Variants in KCNJ12 observed in about 807,000 individuals in gnomAD.
KCNJ12 encodes the protein potassium inwardly rectifying channel subfamily J member 12.
In KCNJ12, 2 loss-of-function variants were observed where a neutral mutation model predicts 22.3. The observed-to-expected ratio is 0.09, with a 90% CI of 0.04 to 0.28. The LOEUF is 0.28. KCNJ12 is among the 10% of genes least tolerant of loss of function. KCNJ12 has a pLI of 1.00. For synonymous variants in KCNJ12, 117 were observed against 261.4 expected (o/e 0.45, Z 5.33); for missense variants, 155 against 633.3 (o/e 0.24, Z 8.11).
At chr17:21,396,756 A>T (rs372300474) in intron 1 of KCNJ12, among the ~76,000 whole-genome samples, 2 of 152,212 alleles carry the variant, frequency 1.3e-5, no homozygotes, top group South Asian at 2.1e-4. Context: ...GAGCCGGCCA[A>T]GCTGGGCCTC....
At position 21,406,991 on chromosome 17, in the gene KCNJ12, G is replaced by T. The variant is rs1905982774; in HGVS notation, c.-178-1528G>T. Among the ~76,000 whole-genome samples, 4 of 152,396 alleles carry T rather than the reference G, an allele frequency of 2.6e-5. No homozygotes were observed. The South Asian group carries it at 8.3e-4, about 32-fold the overall frequency. ...GACAGGTGGGGAAATTGCATCTTTG[G>T]GATTGCAGGGACCATGTAGGATGTA... On this transcript the variant is annotated intron_variant, in intron 1 of 2. Transcript: ENST00000583088.
chr17:21,401,802 C>T (rs1555560574), intron 1 of KCNJ12, among the ~76,000 whole-genome samples: 3 of 152,206 alleles, frequency 2.0e-5, no homozygotes, highest in Admixed American at 6.5e-5. Context: ...GGCCCCTCAA[C>T]GCAGTCAGAC....
chr17:21,379,347 G>T (rs984609016), intron 1 of KCNJ12, among the ~76,000 whole-genome samples: 2 of 152,202 alleles, frequency 1.3e-5, no homozygotes, highest in African/African-American at 4.8e-5. Context: ...CCCTCGCCAG[G>T]TCCCCAGGCA....
intron 1 of KCNJ12, among the ~76,000 whole-genome samples, chr17:21,378,649 G>A (rs1904757464): frequency 6.6e-6 from 1 of 152,154 alleles, no homozygotes; most frequent in African/African-American, 2.4e-5. Flanking sequence ...CATACAGTAG[G>A]CAGTCTGTAA....
intron 2 of KCNJ12, among the ~76,000 whole-genome samples, chr17:21,408,933 G>A (rs1714901): frequency 6.6e-5 from 10 of 152,280 alleles, no homozygotes; most frequent in East Asian, 3.9e-4. Context: ...CACCCCTATC[G>A]TCCACCCACC....
intron 1 of KCNJ12, among the ~76,000 whole-genome samples, chr17:21,396,301 G>A (rs1402753833): frequency 6.6e-6 from 1 of 152,206 alleles, no homozygotes; most frequent in Non-Finnish European, 1.5e-5. Context: ...AAGGGCAGCC[G>A]GGAATCTGAG....
intron 2 of KCNJ12, among the ~76,000 whole-genome samples, chr17:21,409,418 G>T (rs868915102): frequency 0.039 from 5,838 of 150,726 alleles, no homozygotes; most frequent in African/African-American, 0.14. Context: ...GGAGACAAAG[G>T]TTCCAGCGCA....
rs1904666369 is a variant in KCNJ12 at position 21,376,726 on chromosome 17, G to A, written c.-366G>A. 6.6e-6 allele frequency: 1 copy of A among 151,538 alleles called. No homozygotes were observed. Among genetic ancestry groups the A allele is most frequent in the Admixed American group, 6.6e-5 (1 of 15,204 alleles). 9.4% of individuals were successfully genotyped at this position (151,538 alleles called of 1,614,324 possible). A position where few individuals can be genotyped will look rare whatever the true frequency, so the allele number is the denominator to read the frequency against. Reference sequence around the variant, plus strand: ...CCGTCCAGGCGCGCGCCCCCGACCCGTGGCTGGACCAGGGCGATCCGCTTT... The same window carrying A: ...CCGTCCAGGCGCGCGCCCCCGACCCATGGCTGGACCAGGGCGATCCGCTTT... On this transcript the variant is annotated 5_prime_UTR_variant, in exon 1 of 3. The change creates a new upstream start codon in the 5' untranslated region. Coordinates refer to ENST00000583088, the MANE Select transcript of KCNJ12 (RefSeq NM_021012.5). This position sits in a 1 kb window ranked among gnomAD's most constrained non-coding sequence, Gnocchi z 5.3.
In KCNJ12 at chr17:21,380,422, A is replaced by G. The variant is rs1428439179; in HGVS notation, c.-179+3509A>G. Among the ~76,000 whole-genome samples the G allele has an allele frequency of 2.0e-5, 3 of 152,162 alleles. No homozygotes were observed. The East Asian group carries it at 5.8e-4, about 29-fold the overall frequency. On this transcript the variant is annotated intron_variant, in intron 1 of 2. Coordinates refer to ENST00000583088, the MANE Select transcript of KCNJ12 (RefSeq NM_021012.5). Reference sequence around the variant, plus strand: ...ACGGGGAGACCCAGCCCCTGCCCTCAGGGATCTCACTATCTCAGAGGAGAC... The same window carrying G: ...ACGGGGAGACCCAGCCCCTGCCCTCGGGGATCTCACTATCTCAGAGGAGAC...
intron 1 of KCNJ12, among the ~76,000 whole-genome samples, chr17:21,400,758 A>G (rs1207833501): frequency 1.3e-5 from 2 of 152,426 alleles, no homozygotes; most frequent in South Asian, 2.1e-4. Flanking sequence ...TTTTGAGTGC[A>G]AGAGAGAACC....
At chr17:21,402,068 C>T (rs1164675187) in intron 1 of KCNJ12, among the ~76,000 whole-genome samples, 1 of 152,272 alleles carries the variant, frequency 6.6e-6, no homozygotes, top group African/African-American at 2.4e-5. Context: ...GGCCAAGTCC[C>T]CTCCCTTTCT....
In KCNJ12 at chr17:21,382,294, G is replaced by A. The variant is rs1597552274; in HGVS notation, c.-179+5381G>A. 2.0e-5 allele frequency among the ~76,000 whole-genome samples: 3 copies of A among 152,314 alleles called. No individual in the cohort carries two copies. In the South Asian group the frequency reaches 6.2e-4, roughly 32 times the overall value. On this transcript the variant is annotated intron_variant, in intron 1 of 2. Transcript: ENST00000583088. Reference sequence around the variant, plus strand: ...CCATTGCAGATCCCAGCAAACTGAGGCCTGGGGCGTGGGGCCTCTCATATC... The same window carrying A: ...CCATTGCAGATCCCAGCAAACTGAGACCTGGGGCGTGGGGCCTCTCATATC...
intron 1 of KCNJ12, among the ~76,000 whole-genome samples, chr17:21,408,069 G>T (rs1906086357): frequency 6.6e-6 from 1 of 152,066 alleles, no homozygotes; most frequent in Non-Finnish European, 1.5e-5. Context: ...CTGGCTCCAA[G>T]GTTGGCGTTG....
At chr17:21,384,653 T>C (rs1436331741) in intron 1 of KCNJ12, among the ~76,000 whole-genome samples, 1 of 151,996 alleles carries the variant, frequency 6.6e-6, no homozygotes, top group African/African-American at 2.4e-5. Context: ...GCCTCTCTTC[T>C]TCCCTTAGCC....
At chr17:21,387,965 A>C (rs1409295664) in intron 1 of KCNJ12, among the ~76,000 whole-genome samples, 2 of 152,030 alleles carry the variant, frequency 1.3e-5, no homozygotes, top group Non-Finnish European at 2.9e-5. Flanking sequence ...GTCTGTGTGC[A>C]CTGGGTCCCT....
At chr17:21,382,063 T>C (rs1555557994) in intron 1 of KCNJ12, among the ~76,000 whole-genome samples, 1 of 152,218 alleles carries the variant, frequency 6.6e-6, no homozygotes, top group Non-Finnish European at 1.5e-5. Context: ...ATTCTGACCT[T>C]TTCTCTGAGC....
chr17:21,398,464 C>A (rs1905459057), intron 1 of KCNJ12, among the ~76,000 whole-genome samples: 1 of 152,230 alleles, frequency 6.6e-6, no homozygotes, highest in Non-Finnish European at 1.5e-5. Flanking sequence ...CTCTACGGCC[C>A]CCACTGCCCA....
At position 21,403,377 on chromosome 17, in the gene KCNJ12, C is replaced by T. The variant is rs1238525556; in HGVS notation, c.-178-5142C>T. On this transcript the variant is annotated intron_variant, in intron 1 of 2. Coordinates refer to ENST00000583088, the MANE Select transcript of KCNJ12 (RefSeq NM_021012.5). ...TTATTTTACTTACGATTGGTTTTGA[C>T]AACATCATACATATTTTTATGTTGG... 5.2e-5 allele frequency among the ~76,000 whole-genome samples: 8 copies of T among 152,414 alleles called. No homozygotes were observed. In the South Asian group the frequency reaches 1.4e-3, roughly 28 times the overall value.
chr17:21,401,676 G>GCTGC (rs2142062734), intron 1 of KCNJ12, among the ~76,000 whole-genome samples: 1 of 152,368 alleles, frequency 6.6e-6, no homozygotes, highest in South Asian at 2.1e-4. Flanking sequence ...GGGCTGCAGT[G>GCTGC]CTGCCTGCCG....
Sources: allele counts gnomAD v4.1 joint callset (sites outside exome capture counted in the v4.1 genomes callset), GRCh38; gene constraint gnomAD v4.1.1; non-coding constraint Gnocchi (gnomAD v3.1); transcripts MANE v1.5; gene names NCBI Gene and HGNC (gene_info 2026-07-23, HGNC 2026-07-21).